SLC36A1: variants seen among roughly 807,000 people sequenced by gnomAD.
The protein encoded by SLC36A1 is proton-coupled amino acid transporter 1.
SLC36A1 carries 30 observed loss-of-function variants against 47.5 expected under a neutral mutation model. The observed-to-expected ratio is 0.63, with a 90% CI of 0.47 to 0.86. The LOEUF (loss-of-function observed/expected upper bound fraction) is 0.86. SLC36A1 is among the 40% of genes least tolerant of loss of function. The pLI is 0.00. For synonymous variants in SLC36A1, 255 were observed against 249.7 expected, an observed-to-expected ratio of 1.02 and a Z score of -0.20; for missense variants, 517 against 606.0, an observed-to-expected ratio of 0.85 and a Z score of 1.54.
At chr5:151,368,924 A>G in the SLC36A1 span, among the ~76,000 whole-genome samples, 1 of 152,160 alleles carries the variant, frequency 6.6e-6, no homozygotes, top group African/African-American at 2.4e-5. Context: ...AAATAATTCA[A>G]CTTGGTTACC....
At chr5:151,351,563 C>G in the SLC36A1 span, among the ~76,000 whole-genome samples, 1 of 152,132 alleles carries the variant, frequency 6.6e-6, no homozygotes, top group African/African-American at 2.4e-5. Flanking sequence ...AATGGGGTCT[C>G]TCACTTGTTG....
chr5:151,437,852 G>A lies in SLC36A1; in HGVS notation c.-6+673G>A, dbSNP rs115221571. On this transcript the variant is annotated intron_variant, in intron 1 of 8. Coordinates refer to the SLC36A1 transcript ENST00000429484. The stretch of plus-strand genomic sequence containing the variant: ...GGTCCTAAAATCAAGGTGTGACAAG[G>A]CTGTGTTCTTCTGGAGGCTGTAGGG... 2.8e-3 allele frequency among the ~76,000 whole-genome samples: 429 copies of A among 152,164 alleles called. 3 individuals are homozygous for A. The highest frequency in any genetic ancestry group is 0.01 in the African/African-American group (417 of 41,514).
At chr5:151,521,964 A>T in the SLC36A1 span, 17 of 1,614,032 alleles carry the variant, frequency 1.1e-5, no homozygotes, top group Non-Finnish European at 1.4e-5. Context: ...CCTGGAACTC[A>T]TCCTCTCCAA....
chr5:151,539,722 TA>T, the SLC36A1 span, among the ~76,000 whole-genome samples: 1 of 152,290 alleles, frequency 6.6e-6, no homozygotes, highest in South Asian at 2.1e-4. Context: ...TTTTAAAAAA[TA>T]TGTTTAAAAG....
At chr5:151,532,080 G>A in the SLC36A1 span, 27 of 1,412,002 alleles carry the variant, frequency 1.9e-5, no homozygotes, top group South Asian at 5.4e-5. Context: ...CCATGAAGGC[G>A]GACAAGCTGG....
intron 3 of SLC36A1, among the ~76,000 whole-genome samples, chr5:151,464,222 C>T (rs1324271748): frequency 6.6e-6 from 1 of 152,192 alleles, no homozygotes; most frequent in Non-Finnish European, 1.5e-5. Context: ...TTCCCACAGT[C>T]ACAGGAGCCT....
chr5:151,512,501 C>G, the SLC36A1 span: 1 of 1,614,170 alleles, frequency 6.2e-7, no homozygotes, highest in Non-Finnish European at 8.5e-7. The surrounding 1 kb of genome is among the most constrained non-coding windows in gnomAD (Gnocchi z 4.1). Flanking sequence ...ATCTCCTCCA[C>G]CAGGATGGAG....
At chr5:151,436,829 T>G (rs1339870449), upstream of SLC36A1, among the ~76,000 whole-genome samples, 1 of 152,148 alleles carries the variant, frequency 6.6e-6, no homozygotes, top group East Asian at 1.9e-4. Context: ...CTTCTCCTAT[T>G]CATTTCATTG....
the SLC36A1 span, among the ~76,000 whole-genome samples, chr5:151,413,928 T>C: frequency 3.9e-5 from 6 of 152,120 alleles, no homozygotes; most frequent in Non-Finnish European, 2.9e-5. Context: ...AAGATCTAAG[T>C]GAACACAGTG....
upstream of SLC36A1, among the ~76,000 whole-genome samples, chr5:151,442,723 C>T (rs77588738): frequency 2.8e-3 from 423 of 152,098 alleles, 3 homozygotes; most frequent in African/African-American, 9.9e-3. Context: ...TATGTTGTCC[C>T]TTTGAGCTCT....
the SLC36A1 span, among the ~76,000 whole-genome samples, chr5:151,424,693 A>C: frequency 7.0e-6 from 1 of 142,856 alleles, no homozygotes; most frequent in African/African-American, 3.1e-5. Context: ...AATAAATAAT[A>C]ATAATAATAG....
At chr5:151,377,439 C>T in the SLC36A1 span, among the ~76,000 whole-genome samples, 18 of 150,010 alleles carry the variant, frequency 1.2e-4, no homozygotes, top group East Asian at 3.3e-3. Flanking sequence ...AGCTCCGCCT[C>T]CCGGGTTCAC....
the SLC36A1 span, among the ~76,000 whole-genome samples, chr5:151,407,156 A>G: frequency 3.3e-5 from 5 of 152,222 alleles, no homozygotes; most frequent in African/African-American, 4.8e-5. Flanking sequence ...GAGCAGCAGC[A>G]AGATTTATTG....
At chr5:151,529,407 G>A in the SLC36A1 span, 3 of 1,611,962 alleles carry the variant, frequency 1.9e-6, no homozygotes, top group South Asian at 3.3e-5. Context: ...AGAAGCAAGA[G>A]GTGACAGCAG....
At chr5:151,502,550 C>T in the SLC36A1 span, among the ~76,000 whole-genome samples, 1 of 148,008 alleles carries the variant, frequency 6.8e-6, no homozygotes, top group Non-Finnish European at 1.5e-5. Flanking sequence ...TGAAAAGATG[C>T]TCCACATCAT....
chr5:151,457,380 G>A (rs565302437), intron 1 of SLC36A1, among the ~76,000 whole-genome samples: 4 of 152,108 alleles, frequency 2.6e-5, no homozygotes, highest in African/African-American at 9.6e-5. Flanking sequence ...CCCAAAATGT[G>A]TCCTTATTGT....
chr5:151,534,488 G>T, the SLC36A1 span: 2 of 1,614,060 alleles, frequency 1.2e-6, no homozygotes, highest in East Asian at 2.2e-5. Context: ...CAGCACAGTG[G>T]CTGGGGAAGA....
At chr5:151,507,655 C>G in the SLC36A1 span, 6 of 1,517,900 alleles carry the variant, frequency 4.0e-6, no homozygotes, top group Admixed American at 1.9e-5. Flanking sequence ...TGAAATTGCC[C>G]TTTCCATGTC....
chr5:151,405,093 T>G, the SLC36A1 span, among the ~76,000 whole-genome samples: 3 of 152,202 alleles, frequency 2.0e-5, no homozygotes, highest in Non-Finnish European at 2.9e-5. Flanking sequence ...GTTTTTAAAT[T>G]CTTTTATTTT....
Sources: allele counts gnomAD v4.1 joint callset (sites outside exome capture counted in the v4.1 genomes callset), GRCh38; gene constraint gnomAD v4.1.1; non-coding constraint Gnocchi (gnomAD v3.1); transcripts MANE v1.5; gene names NCBI Gene and HGNC (gene_info 2026-07-23, HGNC 2026-07-21).